CTIF: variants seen among roughly 807,000 people sequenced by gnomAD.
The protein encoded by CTIF is cap binding complex dependent translation initiation factor.
In CTIF, 21 loss-of-function variants were observed where a neutral mutation model predicts 66.0. The ratio of observed to expected loss-of-function variants is 0.32; its 90% CI spans 0.23 to 0.46. CTIF has a LOEUF of 0.46. Among genes scored for constraint, CTIF ranks in the 20% least tolerant of loss-of-function variants. CTIF has a pLI of 1.00. For missense variants in CTIF, 739 were observed against 812.7 expected, an observed-to-expected ratio of 0.91 and a Z score of 1.10; for synonymous variants, 345 against 326.4, an observed-to-expected ratio of 1.06 and a Z score of -0.62.
At chr18:48,778,004 C>T (rs550940494) in intron 9 of CTIF, among the ~76,000 whole-genome samples, 25 of 152,332 alleles carry the variant, frequency 1.6e-4, no homozygotes, top group African/African-American at 5.5e-4. Context: ...GTTTCAACAC[C>T]GCCAATTTGT....
chr18:48,853,100 C>G (rs1483348649), intron 10 of CTIF, among the ~76,000 whole-genome samples: 1 of 152,190 alleles, frequency 6.6e-6, no homozygotes, highest in Non-Finnish European at 1.5e-5. Flanking sequence ...GAGTTTTCTC[C>G]CTGCCTCCCA....
chr18:48,662,752 A>G (rs972148160), intron 3 of CTIF: 5 of 152,032 alleles, frequency 3.3e-5, no homozygotes, highest in Admixed American at 2.6e-4. Flanking sequence ...GTTCCTGAAC[A>G]TAATTGGTTC....
chr18:48,650,771 A>G (rs1400496160), intron 3 of CTIF, among the ~76,000 whole-genome samples: 1 of 152,182 alleles, frequency 6.6e-6, no homozygotes. Flanking sequence ...CTAACAGCAG[A>G]TCTCTTGGCA....
chr18:48,727,377 G>T (rs2092395344), intron 7 of CTIF, among the ~76,000 whole-genome samples: 1 of 152,170 alleles, frequency 6.6e-6, no homozygotes, highest in South Asian at 2.1e-4. Flanking sequence ...TCTTGGTTCT[G>T]CCTCTGAGTC....
chr18:48,764,079 A>C (rs1022941841), intron 9 of CTIF, among the ~76,000 whole-genome samples: 2 of 151,814 alleles, frequency 1.3e-5, no homozygotes, highest in African/African-American at 4.8e-5. Flanking sequence ...TCTCCCCCAG[A>C]ATTCACTTCT....
At chr18:48,834,519 G>A (rs1182883676) in intron 10 of CTIF, among the ~76,000 whole-genome samples, 2 of 152,208 alleles carry the variant, frequency 1.3e-5, no homozygotes, top group Non-Finnish European at 2.9e-5. Flanking sequence ...CTCTCCTCCA[G>A]ATGGTTTCAA....
intron 6 of CTIF, among the ~76,000 whole-genome samples, chr18:48,675,221 A>G (rs976512836): frequency 3.9e-5 from 6 of 152,314 alleles, no homozygotes; most frequent in African/African-American, 1.2e-4. Flanking sequence ...TTCCATCCAC[A>G]AGGCTGGTGT....
At chr18:48,685,291 C>T (rs528808650) in intron 6 of CTIF, among the ~76,000 whole-genome samples, 13 of 152,074 alleles carry the variant, frequency 8.5e-5, no homozygotes, top group Admixed American at 2.0e-4. Flanking sequence ...GGTGCGACCT[C>T]GGCTCACTGC....
chr18:48,624,366 A>T (rs1248819499), intron 2 of CTIF, among the ~76,000 whole-genome samples: 1 of 152,016 alleles, frequency 6.6e-6, no homozygotes, highest in Non-Finnish European at 1.5e-5. Flanking sequence ...CTGGAGCCCC[A>T]TCCCCACCCC....
intron 10 of CTIF, among the ~76,000 whole-genome samples, chr18:48,829,672 G>A (rs1040237494): frequency 7.2e-5 from 11 of 152,194 alleles, no homozygotes; most frequent in Admixed American, 1.3e-4. Flanking sequence ...GCATAAGCAC[G>A]CTGGGGTCCC....
intron 1 of CTIF, among the ~76,000 whole-genome samples, chr18:48,560,482 C>G (rs1029418952): frequency 3.3e-5 from 5 of 152,258 alleles, no homozygotes; most frequent in African/African-American, 1.2e-4. Flanking sequence ...ACCTCGGCCT[C>G]CCAAAGTGCT....
rs1172609697 is a variant in CTIF, at chr18:48,592,514, GAA to G, written c.-28-27020_-28-27019del. ...CCCTGTCTCAAAAAAAAAAAAAAAA[GAA>G]AAAGAAAAAGAAAACAGCTCTCCCT... On this transcript the variant is annotated intron_variant, in intron 1 of 11. Coordinates refer to ENST00000256413, the MANE Select transcript of CTIF (RefSeq NM_014772.3). Among the ~76,000 whole-genome samples, 97 of 140,706 alleles carry G rather than the reference GAA, an allele frequency of 6.9e-4. 1 individual carries two copies. The highest frequency in any genetic ancestry group is 2.5e-3 in the African/African-American group (92 of 36,814). The allele number at this position is 140,706 out of a possible 152,430, so 92.3% of individuals were successfully genotyped here.
At chr18:48,601,202 G>A (rs995603112) in intron 1 of CTIF, among the ~76,000 whole-genome samples, 1 of 152,156 alleles carries the variant, frequency 6.6e-6, no homozygotes, top group Non-Finnish European at 1.5e-5. Flanking sequence ...GGACCTGATC[G>A]TGTTAATCTG....
chr18:48,560,834 A>T (rs1285401981), intron 1 of CTIF, among the ~76,000 whole-genome samples: 3 of 152,142 alleles, frequency 2.0e-5, no homozygotes, highest in Admixed American at 2.0e-4. Flanking sequence ...TGGCCTCCCA[A>T]AGTGCTGGGA....
At chr18:48,775,728 T>A (rs535811380) in intron 9 of CTIF, among the ~76,000 whole-genome samples, 1 of 152,234 alleles carries the variant, frequency 6.6e-6, no homozygotes, top group East Asian at 1.9e-4. Context: ...GAAGGCTTCC[T>A]GGAGGAGGAA....
At chr18:48,725,032 G>A (rs2092374109) in intron 7 of CTIF, among the ~76,000 whole-genome samples, 2 of 152,262 alleles carry the variant, frequency 1.3e-5, no homozygotes, top group South Asian at 4.1e-4. Context: ...TTGAAACAAA[G>A]ATGAGAAATG....
intron 1 of CTIF, among the ~76,000 whole-genome samples, chr18:48,597,552 T>C (rs1271873442): frequency 7.0e-6 from 1 of 142,342 alleles, no homozygotes; most frequent in Non-Finnish European, 1.5e-5. Context: ...AAGTGTGTGG[T>C]ACCCTCCCCC....
At chr18:48,850,287 G>A (rs939214421) in intron 10 of CTIF, among the ~76,000 whole-genome samples, 4 of 152,198 alleles carry the variant, frequency 2.6e-5, no homozygotes, top group South Asian at 2.1e-4. Flanking sequence ...GGGTTGTTCC[G>A]CCTCTTGCTA....
At chr18:48,574,941 C>T (rs1177573996) in intron 1 of CTIF, among the ~76,000 whole-genome samples, 1 of 152,176 alleles carries the variant, frequency 6.6e-6, no homozygotes, top group Non-Finnish European at 1.5e-5. Flanking sequence ...CACATGTCTA[C>T]CTCAAGGGGC....
Sources: allele counts gnomAD v4.1 joint callset (sites outside exome capture counted in the v4.1 genomes callset), GRCh38; gene constraint gnomAD v4.1.1; transcripts MANE v1.5; gene names NCBI Gene and HGNC (gene_info 2026-07-23, HGNC 2026-07-21).